FER: variants seen among roughly 807,000 people sequenced by gnomAD.
The protein encoded by FER is FER tyrosine kinase.
A neutral mutation model predicts 111.0 loss-of-function variants in FER; 63 were observed. The observed-to-expected ratio is 0.57, with a 90% CI of 0.46 to 0.70. FER has a LOEUF of 0.70. Ranked by LOEUF, FER falls within the 30% of genes least tolerant of loss-of-function variation. The pLI is 0.00. For synonymous variants in FER, 327 were observed against 313.9 expected, an observed-to-expected ratio of 1.04 and a Z score of -0.44; for missense variants, 914 against 954.0, an observed-to-expected ratio of 0.96 and a Z score of 0.55.
In FER at chr5:108,883,474, GAA is replaced by G; in HGVS notation, c.1003_1004del (p.Lys335GlufsTer3). ...AGGAGGAGGCTGTTTTGGAGTTAGA[GAA>G]GAGAATTGAAGAATCTTCTGAAACT... ...NKEEAVLELE[K>X]RIEESSETCE... On this transcript the variant is annotated frameshift_variant, in exon 9 of 20. Coordinates refer to ENST00000281092, the MANE Select transcript of FER (RefSeq NM_005246.4). LOFTEE classifies it high-confidence loss of function. 1 of 1,608,196 alleles carries G rather than the reference GAA, an allele frequency of 6.2e-7. No individual in the cohort carries two copies. The highest frequency in any genetic ancestry group is 8.5e-7 in the Non-Finnish European group (1 of 1,176,264).
chr5:108,798,475 C>A, intron 3 of FER, 86 bp downstream of exon 3: 1 of 989,384 alleles, frequency 1.0e-6, no homozygotes, highest in Non-Finnish European at 1.5e-6. Context: ...AATGAGCATA[C>A]TTAAGTCAGC....
At chr5:108,822,020 TC>T (rs1431957104) in intron 3 of FER, among the ~76,000 whole-genome samples, 16 of 152,260 alleles carry the variant, frequency 1.1e-4, no homozygotes, top group African/African-American at 3.8e-4. Flanking sequence ...TTCACCCCTA[TC>T]CCCTGGCAAT....
chr5:108,854,946 CAAAA>C (rs34850507), intron 5 of FER, among the ~76,000 whole-genome samples: 616 of 36,630 alleles, frequency 0.017, 4 homozygotes, highest in Middle Eastern at 0.059. Flanking sequence ...GACCCTGTCT[CAAAA>C]AAAAAAAAAA....
intron 16 of FER, chr5:109,052,099 C>G: frequency 6.2e-7 from 1 of 1,603,882 alleles, no homozygotes; most frequent in South Asian, 1.1e-5. Flanking sequence ...CACATTGACA[C>G]CATCAGTTTG....
intron 3 of FER, among the ~76,000 whole-genome samples, chr5:108,824,892 A>T (rs1417856928): frequency 1.3e-5 from 2 of 152,064 alleles, no homozygotes. Context: ...AAAGAGATAA[A>T]TTTTAAAGTT....
intron 16 of FER, chr5:109,052,396 C>G (rs1210081773): frequency 1.3e-6 from 2 of 1,551,472 alleles, no homozygotes; most frequent in Admixed American, 1.7e-5. Context: ...CACCTTCCCT[C>G]CAGCAGTTAA....
In FER at chr5:109,196,220, T is replaced by C. The variant is rs996331330; in HGVS notation, c.*8645T>C. ...CTCTCTTAGTGAATGGTTGTGGAAA[T>C]ATGATTTTTCTAAGTTCCTTCCTTT... is the stretch of plus-strand genomic sequence containing the variant. On this transcript the variant is annotated 3_prime_UTR_variant, in exon 20 of 20. Coordinates refer to ENST00000281092, the MANE Select transcript of FER (RefSeq NM_005246.4). 1.3e-5 allele frequency: 2 copies of C among 152,204 alleles called. No individual in the cohort carries two copies. The highest frequency in any genetic ancestry group is 4.8e-5 in the African/African-American group (2 of 41,452). The allele number at this position is 152,204 out of a possible 1,614,324, so 9.4% of individuals were successfully genotyped here.
At chr5:108,953,636 A>T (rs545937090) in intron 11 of FER, among the ~76,000 whole-genome samples, 1 of 152,152 alleles carries the variant, frequency 6.6e-6, no homozygotes, top group African/African-American at 2.4e-5. Context: ...CTATGTTAAA[A>T]ACCAGTTTTT....
At chr5:109,066,943 G>A (rs931644813) in intron 16 of FER, among the ~76,000 whole-genome samples, 2 of 152,116 alleles carry the variant, frequency 1.3e-5, no homozygotes, top group Non-Finnish European at 2.9e-5. Context: ...TTTGTTTTAG[G>A]GGCCTTAGGA....
At chr5:108,889,119 G>T (rs1000712710) in intron 9 of FER, among the ~76,000 whole-genome samples, 6 of 151,932 alleles carry the variant, frequency 3.9e-5, no homozygotes, top group Non-Finnish European at 8.8e-5. Flanking sequence ...CCTGAACTCA[G>T]TTAGTGTAAC....
At chr5:108,773,446 A>G (rs1287156074) in intron 2 of FER, among the ~76,000 whole-genome samples, 1 of 152,016 alleles carries the variant, frequency 6.6e-6, no homozygotes, top group East Asian at 1.9e-4. Context: ...AACATGTGGT[A>G]TTTGGTTTTC....
chr5:108,961,675 A>G lies in FER; in HGVS notation c.1656+2328A>G, dbSNP rs373500412. Reference sequence around the variant, plus strand: ...TATCTCAGTTTGTTGCAAATATTATACACTGATTTAAAGGTTCATGTTGCT... The same window carrying G: ...TATCTCAGTTTGTTGCAAATATTATGCACTGATTTAAAGGTTCATGTTGCT... On this transcript the variant is annotated intron_variant, in intron 13 of 19. Coordinates refer to ENST00000281092, the MANE Select transcript of FER (RefSeq NM_005246.4). Among the ~76,000 whole-genome samples the G allele has an allele frequency of 1.4e-4, 21 of 152,308 alleles. No individual in the cohort carries two copies. In the East Asian group the frequency reaches 3.9e-3, roughly 28 times the overall value.
At chr5:108,987,110 C>G (rs1300944765) in intron 13 of FER, among the ~76,000 whole-genome samples, 1 of 151,990 alleles carries the variant, frequency 6.6e-6, no homozygotes, top group Admixed American at 6.6e-5. Flanking sequence ...TTTGTTTTTT[C>G]TGTGATTTCT....
chr5:108,841,276 G>T (rs1056409146), intron 5 of FER, among the ~76,000 whole-genome samples: 23 of 152,062 alleles, frequency 1.5e-4, no homozygotes, highest in African/African-American at 5.1e-4. Context: ...TAAAATAACA[G>T]GTACTTAAAT....
At chr5:109,007,881 G>C (rs946731292) in intron 13 of FER, among the ~76,000 whole-genome samples, 1 of 152,132 alleles carries the variant, frequency 6.6e-6, no homozygotes, top group African/African-American at 2.4e-5. Flanking sequence ...TACCAACTGC[G>C]TGAGAATTCC....
At chr5:109,005,469 G>A (rs1026227533) in intron 13 of FER, among the ~76,000 whole-genome samples, 8 of 152,076 alleles carry the variant, frequency 5.3e-5, no homozygotes, top group Non-Finnish European at 1.0e-4. Context: ...ATTTACATGA[G>A]TTGTGATGTA....
intron 2 of FER, among the ~76,000 whole-genome samples, chr5:108,791,072 C>G (rs1444142772): frequency 6.6e-6 from 1 of 152,176 alleles, no homozygotes. Flanking sequence ...GTTGGTTCTA[C>G]TTTGCAGCTA....
chr5:108,835,913 A>G (rs1035530241), intron 5 of FER, 106 bp downstream of exon 5: 4 of 594,946 alleles, frequency 6.7e-6, no homozygotes, highest in South Asian at 2.5e-5. Flanking sequence ...CATTTCACAT[A>G]TAAAAAACTC....
intron 5 of FER, among the ~76,000 whole-genome samples, chr5:108,851,376 A>G (rs777658008): frequency 3.9e-5 from 6 of 152,160 alleles, no homozygotes; most frequent in Admixed American, 6.5e-5. Flanking sequence ...TATCATGAGA[A>G]CGCCATGGGA....
Sources: allele counts gnomAD v4.1 joint callset (sites outside exome capture counted in the v4.1 genomes callset), GRCh38; gene constraint gnomAD v4.1.1; transcripts MANE v1.5; gene names NCBI Gene and HGNC (gene_info 2026-07-23, HGNC 2026-07-21).